SDK1: variants seen among roughly 807,000 people sequenced by gnomAD.
SDK1 encodes sidekick cell adhesion molecule 1, also known as protein sidekick-1.
A neutral mutation model predicts 245.5 loss-of-function variants in SDK1; 157 were observed. That is an observed-to-expected ratio of 0.64 (90% CI 0.56 to 0.73). The LOEUF (loss-of-function observed/expected upper bound fraction) is 0.73, where lower values mean the gene tolerates loss of function less well. Among genes scored for constraint, SDK1 ranks in the 30% least tolerant of loss-of-function variants. The probability of loss-of-function intolerance (pLI) is 0.00; values close to 1 mark genes in which losing one functional copy is unlikely to be tolerated. For missense variants in SDK1, 3,583 were observed against 3,002.3 expected (o/e 1.19, Z -4.52); for synonymous variants, 1,647 against 1,278.5 (o/e 1.29, Z -6.15).
intron 3 of SDK1, among the ~76,000 whole-genome samples, chr7:3,640,052 G>A (rs991332342): frequency 2.6e-5 from 4 of 151,920 alleles, no homozygotes; most frequent in Admixed American, 1.3e-4. Context: ...GGGAGGGATC[G>A]CACTGCATTG....
In SDK1 at chr7:3,524,237, A is replaced by C. The variant is rs145103192; in HGVS notation, c.299-94843A>C. On this transcript the variant is annotated intron_variant, in intron 1 of 44. Transcript: ENST00000404826. Reference sequence around the variant, plus strand: ...ACCAGTTTGTATAGGGCTTTCTAAAACATTATTTGGAGTCAGATGACAAGC... The same window carrying C: ...ACCAGTTTGTATAGGGCTTTCTAAACCATTATTTGGAGTCAGATGACAAGC... Among the ~76,000 whole-genome samples the C allele has an allele frequency of 6.1e-3, 926 of 152,316 alleles. 13 individuals are homozygous for C. The highest frequency in any genetic ancestry group is 0.014 in the Admixed American group (219 of 15,296).
intron 17 of SDK1, among the ~76,000 whole-genome samples, chr7:4,032,721 CA>C (rs1366981813): frequency 1.3e-5 from 2 of 152,058 alleles, no homozygotes; most frequent in Non-Finnish European, 2.9e-5. Flanking sequence ...ATCCCATTTA[CA>C]ATAACAGAAT....
At chr7:3,680,642 C>G (rs1003796328) in intron 4 of SDK1, among the ~76,000 whole-genome samples, 7 of 152,072 alleles carry the variant, frequency 4.6e-5, no homozygotes, top group African/African-American at 1.7e-4. Context: ...TATTTAAAAT[C>G]TAGTGATTTT....
At position 3,356,472 on chromosome 7, in the gene SDK1, G is replaced by A. The variant is rs116504998; in HGVS notation, c.298+54588G>A. ...CTCTGTGTTATAATTCATACGAGTT[G>A]GGAGGCTGCAGTATATTTGGATGAT... On this transcript the variant is annotated intron_variant, in intron 1 of 44. Coordinates refer to ENST00000404826, the MANE Select transcript of SDK1 (RefSeq NM_152744.4). 6.2e-3 allele frequency among the ~76,000 whole-genome samples: 947 copies of A among 152,134 alleles called. 12 individuals carry two copies. The highest frequency in any genetic ancestry group is 0.021 in the African/African-American group (888 of 41,466).
At chr7:3,979,889 C>A (rs1408311503) in intron 13 of SDK1, among the ~76,000 whole-genome samples, 1 of 152,188 alleles carries the variant, frequency 6.6e-6, no homozygotes, top group Non-Finnish European at 1.5e-5. Context: ...ATCTCTCCTC[C>A]TGAAATCAGA....
At chr7:3,400,850 C>T (rs1458734388) in intron 1 of SDK1, among the ~76,000 whole-genome samples, 2 of 152,134 alleles carry the variant, frequency 1.3e-5, no homozygotes, top group Non-Finnish European at 2.9e-5. Flanking sequence ...AAAGGAGCTT[C>T]AACCTCAGTT....
At chr7:3,314,419 C>A (rs1046781224) in intron 1 of SDK1, among the ~76,000 whole-genome samples, 2 of 152,130 alleles carry the variant, frequency 1.3e-5, no homozygotes, top group Non-Finnish European at 2.9e-5. Context: ...TCTTGGCCAG[C>A]AGAGAGTTAG....
At chr7:4,103,280 G>C (rs548460172) in intron 22 of SDK1, among the ~76,000 whole-genome samples, 7 of 152,136 alleles carry the variant, frequency 4.6e-5, no homozygotes, top group African/African-American at 1.4e-4. Context: ...GATTACAGGC[G>C]TGAGCCACCG....
At chr7:3,819,396 C>G (rs1048882772) in intron 4 of SDK1, among the ~76,000 whole-genome samples, 1 of 151,460 alleles carries the variant, frequency 6.6e-6, no homozygotes, top group African/African-American at 2.4e-5. Context: ...TAAATAATAT[C>G]GAGAATTCAT....
At chr7:3,672,157 C>G (rs1433352609) in intron 4 of SDK1, among the ~76,000 whole-genome samples, 2 of 152,008 alleles carry the variant, frequency 1.3e-5, no homozygotes, top group Non-Finnish European at 2.9e-5. Flanking sequence ...TTGGTCTAAC[C>G]TGAAGGACTA....
chr7:3,660,438 G>GAAA (rs1783315963), intron 4 of SDK1, among the ~76,000 whole-genome samples: 2 of 152,102 alleles, frequency 1.3e-5, no homozygotes, highest in Non-Finnish European at 2.9e-5. Flanking sequence ...ACAAAGCATA[G>GAAA]AAAGAGAATG....
At chr7:3,556,380 G>A (rs373475524) in intron 1 of SDK1, among the ~76,000 whole-genome samples, 10 of 152,134 alleles carry the variant, frequency 6.6e-5, no homozygotes, top group African/African-American at 2.4e-4. Context: ...GAGATAAAGG[G>A]TAGAATGGTT....
chr7:3,842,769 C>T lies in SDK1; in HGVS notation c.847+21186C>T, dbSNP rs375600264. ...CCTTTTCTCCCTCACTTCTTCTTCA[C>T]GGGAATTCCGCTTCCTGATAATGCT... On this transcript the variant is annotated intron_variant, in intron 5 of 44. Transcript: ENST00000404826. 5.6e-4 allele frequency among the ~76,000 whole-genome samples: 85 copies of T among 152,218 alleles called. 2 individuals are homozygous for T. The highest frequency in any genetic ancestry group is 6.2e-4 in the South Asian group (3 of 4,822).
At chr7:3,865,049 G>A (rs796721755) in intron 5 of SDK1, among the ~76,000 whole-genome samples, 16 of 152,312 alleles carry the variant, frequency 1.1e-4, no homozygotes, top group African/African-American at 2.2e-4. Flanking sequence ...CCACTCAGAC[G>A]TCTTGGCTGT....
At chr7:3,374,003 G>C (rs1350749802) in intron 1 of SDK1, among the ~76,000 whole-genome samples, 2 of 152,160 alleles carry the variant, frequency 1.3e-5, no homozygotes, top group African/African-American at 2.4e-5. Flanking sequence ...CATAAGAATA[G>C]CTAACTTTGT....
chr7:3,435,387 G>A (rs367853268), intron 1 of SDK1, among the ~76,000 whole-genome samples: 1 of 133,856 alleles, frequency 7.5e-6, no homozygotes, highest in Non-Finnish European at 1.5e-5. Context: ...CTGGAGTGCA[G>A]TGACTTGATC....
At chr7:3,437,972 C>T (rs1780077983) in intron 1 of SDK1, among the ~76,000 whole-genome samples, 1 of 152,106 alleles carries the variant, frequency 6.6e-6, no homozygotes, top group African/African-American at 2.4e-5. Flanking sequence ...TTCTTTTACA[C>T]TCTCTCATTT....
At chr7:3,304,443 CTT>C (rs1779364455) in intron 1 of SDK1, among the ~76,000 whole-genome samples, 1 of 152,150 alleles carries the variant, frequency 6.6e-6, no homozygotes, top group South Asian at 2.1e-4. Context: ...CTGCTGGACT[CTT>C]TACAGGCTTA....
chr7:3,970,012 T>C (rs1782363927), intron 11 of SDK1, among the ~76,000 whole-genome samples: 1 of 152,270 alleles, frequency 6.6e-6, no homozygotes. Flanking sequence ...AGACACATTT[T>C]GGAAATGCAG....
Sources: allele counts gnomAD v4.1 joint callset (sites outside exome capture counted in the v4.1 genomes callset), GRCh38; gene constraint gnomAD v4.1.1; transcripts MANE v1.5; gene names NCBI Gene and HGNC (gene_info 2026-07-23, HGNC 2026-07-21).